ZHX2: variants seen among roughly 807,000 people sequenced by gnomAD.
ZHX2 encodes the protein zinc fingers and homeoboxes 2.
A neutral mutation model predicts 21.9 loss-of-function variants in ZHX2; 6 were observed. That is an observed-to-expected ratio of 0.27 (90% CI 0.15 to 0.54). The LOEUF (loss-of-function observed/expected upper bound fraction) is 0.54, where lower values mean the gene tolerates loss of function less well. ZHX2 is among the 20% of genes least tolerant of loss of function. The pLI, the probability that ZHX2 is intolerant of heterozygous loss-of-function variation, is 0.95. For synonymous variants in ZHX2, 434 were observed against 437.1 expected (o/e 0.99, Z 0.09); for missense variants, 908 against 1,090.7 (o/e 0.83, Z 2.36).
chr8:122,905,571 A>G (rs1320962499), intron 2 of ZHX2, among the ~76,000 whole-genome samples: 1 of 152,238 alleles, frequency 6.6e-6, no homozygotes, highest in African/African-American at 2.4e-5. Context: ...TTAGAACATC[A>G]GGAAGGAAAG....
chr8:122,797,203 G>A (rs1357106634), intron 1 of ZHX2, among the ~76,000 whole-genome samples: 1 of 152,190 alleles, frequency 6.6e-6, no homozygotes, highest in East Asian at 1.9e-4. Context: ...GAAGTCCACT[G>A]AAGGACTACA....
intron 1 of ZHX2, among the ~76,000 whole-genome samples, chr8:122,805,708 A>G (rs1471128974): frequency 6.6e-6 from 1 of 152,170 alleles, no homozygotes; most frequent in Admixed American, 6.5e-5. Flanking sequence ...CTGTATAGGC[A>G]TCATCTCTAC....
chr8:122,915,247 C>T (rs531180376), intron 2 of ZHX2, among the ~76,000 whole-genome samples: 1 of 152,258 alleles, frequency 6.6e-6, no homozygotes, highest in Non-Finnish European at 1.5e-5. Context: ...AAGGCCTTTA[C>T]CATGTGGATG....
chr8:122,910,930 G>A (rs1368866931), intron 2 of ZHX2, among the ~76,000 whole-genome samples: 1 of 152,170 alleles, frequency 6.6e-6, no homozygotes. Flanking sequence ...CCCAGGCATG[G>A]GGCCCCTTCC....
chr8:122,932,587 G>A (rs1476154649), intron 2 of ZHX2, among the ~76,000 whole-genome samples: 5 of 152,164 alleles, frequency 3.3e-5, no homozygotes, highest in African/African-American at 7.2e-5. Flanking sequence ...CTGAGATCGC[G>A]CCATTGTACT....
At chr8:122,866,266 G>A (rs1011286813) in intron 2 of ZHX2, among the ~76,000 whole-genome samples, 2 of 152,194 alleles carry the variant, frequency 1.3e-5, no homozygotes, top group Non-Finnish European at 2.9e-5. Context: ...TCCATGGCTG[G>A]AAGACAAACA....
chr8:122,891,250 C>T, intron 2 of ZHX2, among the ~76,000 whole-genome samples: 1 of 136,848 alleles, frequency 7.3e-6, no homozygotes, highest in Non-Finnish European at 1.6e-5. Flanking sequence ...TCTATTTCTT[C>T]CTGGTTCAAT....
rs948484106 is a variant in ZHX2, at chr8:122,896,619, A to C, written c.-220+33080A>C. ...TGAGCAAAACAGTTTTTCTCCTGACAAGGAACTTACATACTAGAAGCTGCT... is the reference window on the plus strand; with the variant it reads ...TGAGCAAAACAGTTTTTCTCCTGACCAGGAACTTACATACTAGAAGCTGCT... On this transcript the variant is annotated intron_variant, in intron 2 of 3. Transcript: ENST00000314393. Among the ~76,000 whole-genome samples, 4 of 152,338 alleles carry C rather than the reference A, an allele frequency of 2.6e-5. No homozygotes were observed. In the South Asian group the frequency reaches 8.3e-4, roughly 32 times the overall value.
chr8:122,835,668 AAG>A (rs1421658901), intron 1 of ZHX2, among the ~76,000 whole-genome samples: 4 of 152,120 alleles, frequency 2.6e-5, no homozygotes, highest in African/African-American at 7.2e-5. Context: ...AATGAGGAAA[AAG>A]AGGTAGGGTC....
At chr8:122,810,941 C>T (rs1185258341) in intron 1 of ZHX2, among the ~76,000 whole-genome samples, 1 of 152,060 alleles carries the variant, frequency 6.6e-6, no homozygotes, top group Non-Finnish European at 1.5e-5. Context: ...ACAACCTGGA[C>T]CCAGGGTACC....
At chr8:122,939,565 G>A (rs1039579396) in intron 2 of ZHX2, among the ~76,000 whole-genome samples, 1 of 152,188 alleles carries the variant, frequency 6.6e-6, no homozygotes, top group East Asian at 1.9e-4. Flanking sequence ...GGAGGGATTA[G>A]CCTTTTAACA....
At chr8:122,892,723 C>T (rs58078566) in intron 2 of ZHX2, among the ~76,000 whole-genome samples, 7,450 of 152,090 alleles carry the variant, frequency 0.049, 587 homozygotes, top group African/African-American at 0.17. Flanking sequence ...CTCGCACTGT[C>T]GCCTGGGCTG....
At chr8:122,896,675 G>T (rs906885891) in intron 2 of ZHX2, among the ~76,000 whole-genome samples, 1 of 152,134 alleles carries the variant, frequency 6.6e-6, no homozygotes, top group Non-Finnish European at 1.5e-5. Context: ...AGGATACCAG[G>T]GTTCAGACAC....
intron 2 of ZHX2, among the ~76,000 whole-genome samples, chr8:122,949,743 T>C (rs1813064350): frequency 6.6e-6 from 1 of 151,874 alleles, no homozygotes; most frequent in South Asian, 2.1e-4. Flanking sequence ...TGGTGGTGTG[T>C]GCCTGTAGTT....
intron 2 of ZHX2, among the ~76,000 whole-genome samples, chr8:122,898,225 C>A (rs905233707): frequency 8.5e-5 from 13 of 152,122 alleles, no homozygotes; most frequent in Non-Finnish European, 4.4e-5. Flanking sequence ...TGAGTGGGGT[C>A]TTCTTTGTTC....
In ZHX2 at chr8:122,952,853, A is replaced by G. The variant is rs886271281; in HGVS notation, c.1343A>G (p.Lys448Arg). 6.2e-7 allele frequency: 1 copy of G among 1,614,146 alleles called. No homozygotes were observed. The highest frequency in any genetic ancestry group is 8.5e-7 in the Non-Finnish European group (1 of 1,180,036). ...LTPASDRKKT[K>R]EQIAHLKASF... Reference sequence around the variant, plus strand: ...CCAGCCAGTGACCGCAAGAAGACAAAGGAGCAGATAGCACATCTCAAGGCC... The same window carrying G: ...CCAGCCAGTGACCGCAAGAAGACAAGGGAGCAGATAGCACATCTCAAGGCC... The change falls in exon 3 of 4, where the codon AAG (lysine) becomes AGG (arginine). Residue 448 changes from lysine (K) to arginine (R), a missense_variant. Physicochemically the swap from Lys to Arg is conservative, Grantham distance 26 (BLOSUM62 2). Around this residue, in one of 4 missense-constraint regions of ZHX2, gnomAD observed 232 missense variants for 361.8 expected, o/e 0.64. Coordinates refer to ENST00000314393, the MANE Select transcript of ZHX2 (RefSeq NM_014943.5). The surrounding 1 kb of genome is among the most constrained non-coding windows in gnomAD (Gnocchi z 6.9).
At chr8:122,846,067 GGTAAA>G (rs146324045) in intron 1 of ZHX2, among the ~76,000 whole-genome samples, 5,537 of 152,238 alleles carry the variant, frequency 0.036, 319 homozygotes, top group African/African-American at 0.13. Context: ...TGCCCGTGGA[GGTAAA>G]GTAGACAGAT....
At chr8:122,816,122 G>A (rs1386029538) in intron 1 of ZHX2, among the ~76,000 whole-genome samples, 1 of 149,246 alleles carries the variant, frequency 6.7e-6, no homozygotes, top group Non-Finnish European at 1.5e-5. Context: ...AGCCACTCCA[G>A]CCTTCAGCAA....
chr8:122,808,838 A>G (rs1044337018), intron 1 of ZHX2: 1 of 152,246 alleles, frequency 6.6e-6, no homozygotes, highest in Non-Finnish European at 1.5e-5. Flanking sequence ...GAACCTGACT[A>G]GTTTGAGTTG....
Sources: allele counts gnomAD v4.1 joint callset (sites outside exome capture counted in the v4.1 genomes callset), GRCh38; gene constraint gnomAD v4.1.1; regional missense constraint gnomAD v4.1.1; non-coding constraint Gnocchi (gnomAD v3.1); transcripts MANE v1.5; gene names NCBI Gene and HGNC (gene_info 2026-07-23, HGNC 2026-07-21).